The following PIK3C2G variants were observed in gnomAD, a reference collection of about 807,000 sequenced individuals.
The protein encoded by PIK3C2G is phosphatidylinositol-4-phosphate 3-kinase catalytic subunit type 2 gamma.
In PIK3C2G, 168 loss-of-function variants were observed where a neutral mutation model predicts 181.1. That is an observed-to-expected ratio of 0.93 (90% CI 0.82 to 1.05). The LOEUF is 1.05. PIK3C2G is among the 50% of genes least tolerant of loss of function. The probability of loss-of-function intolerance (pLI) is 0.00; values close to 1 mark genes in which losing one functional copy is unlikely to be tolerated. For synonymous variants in PIK3C2G, 573 were observed against 592.2 expected (o/e 0.97, Z 0.47); for missense variants, 1,869 against 1,732.8 (o/e 1.08, Z -1.40).
At chr12:18,518,167 G>A (rs1592469997) in intron 24 of PIK3C2G, among the ~76,000 whole-genome samples, 1 of 152,302 alleles carries the variant, frequency 6.6e-6, no homozygotes, top group East Asian at 1.9e-4. Context: ...TCGCATTGAT[G>A]TTCATCAGGG....
intron 16 of PIK3C2G, among the ~76,000 whole-genome samples, chr12:18,417,777 G>C (rs552131333): frequency 6.6e-6 from 1 of 151,692 alleles, no homozygotes; most frequent in Admixed American, 6.6e-5. Flanking sequence ...TGTGCGACTG[G>C]CTTTATTGTG....
chr12:18,479,877 G>GT (rs1314444028), intron 18 of PIK3C2G, among the ~76,000 whole-genome samples: 9 of 152,170 alleles, frequency 5.9e-5, no homozygotes, highest in Non-Finnish European at 1.5e-5. Flanking sequence ...CCTAACAAAT[G>GT]TAAGGGTGGG....
At chr12:18,495,904 T>C (rs1405814219) in intron 20 of PIK3C2G, among the ~76,000 whole-genome samples, 158 bp from the exon 21 acceptor site, 1 of 152,126 alleles carries the variant, frequency 6.6e-6, no homozygotes, top group Non-Finnish European at 1.5e-5. Context: ...AATTTGTATG[T>C]TTCTGTGTTC....
the PIK3C2G span, among the ~76,000 whole-genome samples, chr12:18,698,810 A>T: frequency 6.6e-6 from 1 of 152,164 alleles, no homozygotes; most frequent in Non-Finnish European, 1.5e-5. Context: ...GTTATTTTTA[A>T]ATGTACAATA....
chr12:18,402,943 G>C (rs1944332003), intron 16 of PIK3C2G, among the ~76,000 whole-genome samples: 1 of 152,108 alleles, frequency 6.6e-6, no homozygotes, highest in Non-Finnish European at 1.5e-5. Context: ...TACATATGAG[G>C]AAACTGAGGC....
intron 24 of PIK3C2G, among the ~76,000 whole-genome samples, chr12:18,525,732 G>T (rs1943189926): frequency 6.6e-6 from 1 of 152,080 alleles, no homozygotes; most frequent in Admixed American, 6.6e-5. Context: ...TTTTTCCTAA[G>T]GAAACAAAGT....
At chr12:18,639,067 A>C (rs1249566925) in intron 31 of PIK3C2G, among the ~76,000 whole-genome samples, 5 of 151,808 alleles carry the variant, frequency 3.3e-5, no homozygotes, top group Non-Finnish European at 1.5e-5. Context: ...CTGGGGGAGG[A>C]TATCAAATGG....
intron 18 of PIK3C2G, among the ~76,000 whole-genome samples, chr12:18,481,126 G>C (rs1436200219): frequency 6.6e-6 from 1 of 151,954 alleles, no homozygotes; most frequent in Non-Finnish European, 1.5e-5. Flanking sequence ...AGTAGAGACA[G>C]GGTTTCACCA....
intron 7 of PIK3C2G, among the ~76,000 whole-genome samples, chr12:18,321,988 C>G (rs1951132310): frequency 6.6e-6 from 1 of 152,202 alleles, no homozygotes; most frequent in African/African-American, 2.4e-5. Flanking sequence ...ATGCAGGGCT[C>G]AATACCTAGG....
At chr12:18,318,132 A>C (rs1226554799) in intron 6 of PIK3C2G, among the ~76,000 whole-genome samples, 3 of 152,228 alleles carry the variant, frequency 2.0e-5, no homozygotes, top group African/African-American at 7.2e-5. Context: ...CAGTATATAC[A>C]CTGCAGTATC....
chr12:18,268,421 A>C (rs984599575), intron 1 of PIK3C2G, among the ~76,000 whole-genome samples: 1 of 152,066 alleles, frequency 6.6e-6, no homozygotes, highest in Non-Finnish European at 1.5e-5. Context: ...AAGATTAGAG[A>C]TATCATTAAG....
chr12:18,331,407 TA>T (rs943358611), intron 8 of PIK3C2G, among the ~76,000 whole-genome samples: 1 of 152,114 alleles, frequency 6.6e-6, no homozygotes, highest in African/African-American at 2.4e-5. Flanking sequence ...TTAAAGTTAT[TA>T]GTTCATGTTT....
intron 1 of PIK3C2G, among the ~76,000 whole-genome samples, chr12:18,278,930 AG>A (rs1320503311): frequency 6.6e-6 from 1 of 152,072 alleles, no homozygotes; most frequent in Admixed American, 6.6e-5. Context: ...CAATATGAAA[AG>A]ATATTTCTCA....
chr12:18,664,553 T>A, the PIK3C2G span, among the ~76,000 whole-genome samples: 1 of 152,152 alleles, frequency 6.6e-6, no homozygotes, highest in Non-Finnish European at 1.5e-5. Flanking sequence ...TTATATGAGA[T>A]ACTTAAAGTG....
intron 29 of PIK3C2G, among the ~76,000 whole-genome samples, chr12:18,569,182 T>C (rs1945795747): frequency 6.6e-6 from 1 of 152,042 alleles, no homozygotes; most frequent in Non-Finnish European, 1.5e-5. Flanking sequence ...TTTGGAATGG[T>C]CACTGCGGGA....
chr12:18,524,224 C>T (rs1435542281), intron 24 of PIK3C2G, among the ~76,000 whole-genome samples: 1 of 152,160 alleles, frequency 6.6e-6, no homozygotes, highest in African/African-American at 2.4e-5. Flanking sequence ...TCTGTAGAAA[C>T]TGCAAGTCCA....
chr12:18,572,004 C>T (rs75726115), intron 29 of PIK3C2G, among the ~76,000 whole-genome samples: 4,936 of 150,092 alleles, frequency 0.033, 511 homozygotes, highest in African/African-American at 0.1. Flanking sequence ...ATAAACTCTT[C>T]TCCTGTTAGG....
the PIK3C2G span, among the ~76,000 whole-genome samples, chr12:18,704,448 C>T: frequency 6.6e-6 from 1 of 152,218 alleles, no homozygotes; most frequent in African/African-American, 2.4e-5. Context: ...GCCTCAGTCT[C>T]CCTAGTAGCT....
intron 16 of PIK3C2G, among the ~76,000 whole-genome samples, chr12:18,408,730 C>T (rs1944684861): frequency 6.6e-6 from 1 of 151,846 alleles, no homozygotes; most frequent in Non-Finnish European, 1.5e-5. Flanking sequence ...GCAAACAACC[C>T]CATCAAAAAG....
Sources: gnomAD v4.1 joint callset for allele counts (sites outside exome capture counted in the v4.1 genomes callset) on GRCh38, gnomAD v4.1.1 for gene constraint, MANE v1.5 for transcripts, NCBI Gene and HGNC (gene_info 2026-07-23, HGNC 2026-07-21) for gene names.